The following PARD3B variants were observed in gnomAD, a reference collection of about 807,000 sequenced individuals.
The protein encoded by PARD3B is par-3 family cell polarity regulator beta, also known as partitioning defective 3 homolog B.
A neutral mutation model predicts 130.2 loss-of-function variants in PARD3B; 103 were observed. The ratio of observed to expected loss-of-function variants is 0.79; its 90% CI spans 0.67 to 0.93. The LOEUF is 0.93. PARD3B is among the 40% of genes least tolerant of loss of function. The probability of loss-of-function intolerance (pLI) is 0.00; values close to 1 mark genes in which losing one functional copy is unlikely to be tolerated. For missense variants in PARD3B, 1,609 were observed against 1,499.2 expected, an observed-to-expected ratio of 1.07 and a Z score of -1.21; for synonymous variants, 583 against 553.2, an observed-to-expected ratio of 1.05 and a Z score of -0.76.
Position 205,176,380 on chromosome 2 carries a change from T to C in PARD3B, c.1792-65T>C, listed in dbSNP as rs1031574479. 33 of 1,438,336 alleles carry C rather than the reference T, an allele frequency of 2.3e-5. No individual in the cohort carries two copies. Among genetic ancestry groups the C allele is most frequent in the Non-Finnish European group, 3.0e-5 (32 of 1,061,738 alleles). The allele number at this position is 1,438,336 out of a possible 1,614,324, so 89.1% of individuals were successfully genotyped here. A position where few individuals can be genotyped will look rare whatever the true frequency, so the allele number is the denominator to read the frequency against. On this transcript the variant is annotated intron_variant, in intron 12 of 22. Transcript: ENST00000406610. The surrounding 1 kb of genome is among the most constrained non-coding windows in gnomAD (Gnocchi z 5.3). The stretch of plus-strand genomic sequence containing the variant: ...TCATACAGCGATCATTCTTTCACTT[T>C]GCTTCAACTGACCAAGTTGGAACAT...
chr2:205,158,752 C>CT lies in PARD3B; in HGVS notation c.1466dup (p.Glu490GlyfsTer9), dbSNP rs774009587. ...AGAACCTGACTGCTGTGCACTCTCT[C>CT]TGGAGACAAGCGAGCAGCTCACCTT... is the stretch of plus-strand genomic sequence containing the variant. On this transcript the variant is annotated frameshift_variant, in exon 11 of 23. Coordinates refer to ENST00000406610, the MANE Select transcript of PARD3B (RefSeq NM_001302769.2). LOFTEE classifies it high-confidence loss of function. The surrounding 1 kb of genome is among the most constrained non-coding windows in gnomAD (Gnocchi z 5.4). The CT allele has an allele frequency of 6.2e-7, 1 of 1,614,152 alleles. No individual in the cohort carries two copies. The highest frequency in any genetic ancestry group is 1.1e-5 in the South Asian group (1 of 91,082).
chr2:204,614,018 C>A (rs1165449269), intron 1 of PARD3B, among the ~76,000 whole-genome samples: 1 of 151,928 alleles, frequency 6.6e-6, no homozygotes, highest in Non-Finnish European at 1.5e-5. Context: ...TCTTGTTGGG[C>A]CCCTTAAATG....
rs959202996 is a variant in PARD3B at position 205,230,567 on chromosome 2, C to T, written c.2141-15211C>T. ...CCTCTAGCAGAAGGCAGGAGTCTCTCCTGGAGCCGTGAGCTGCACTGCCTG... is the reference window on the plus strand; with the variant it reads ...CCTCTAGCAGAAGGCAGGAGTCTCTTCTGGAGCCGTGAGCTGCACTGCCTG... On this transcript the variant is annotated intron_variant, in intron 15 of 22. Transcript: ENST00000406610. The surrounding 1 kb of genome is among the most constrained non-coding windows in gnomAD (Gnocchi z 4.1). Among the ~76,000 whole-genome samples the T allele has an allele frequency of 1.3e-5, 2 of 152,164 alleles. No individual in the cohort carries two copies. The highest frequency in any genetic ancestry group is 4.8e-5 in the African/African-American group (2 of 41,436).
At chr2:205,511,599 A>G (rs867575075) in intron 21 of PARD3B, among the ~76,000 whole-genome samples, 2 of 152,198 alleles carry the variant, frequency 1.3e-5, no homozygotes, top group Non-Finnish European at 2.9e-5. Flanking sequence ...AGAAACCCCT[A>G]TGAATTCCAG....
At chr2:204,733,811 G>T (rs2039625889) in intron 2 of PARD3B, among the ~76,000 whole-genome samples, 1 of 151,862 alleles carries the variant, frequency 6.6e-6, no homozygotes, top group South Asian at 2.1e-4. Context: ...TCAGCAAGTG[G>T]TATTACTAAA....
chr2:204,734,103 G>T (rs1303174763), intron 2 of PARD3B, among the ~76,000 whole-genome samples: 1 of 152,018 alleles, frequency 6.6e-6, no homozygotes, highest in African/African-American at 2.4e-5. Context: ...GATTAAAACT[G>T]GGGTCCAATA....
At chr2:204,704,918 C>G (rs1161350787) in intron 2 of PARD3B, among the ~76,000 whole-genome samples, 2 of 150,046 alleles carry the variant, frequency 1.3e-5, no homozygotes, top group East Asian at 1.9e-4. Context: ...CACCAGAGTA[C>G]TAATTGCTGC....
intron 2 of PARD3B, among the ~76,000 whole-genome samples, chr2:204,897,431 C>G (rs1575242902): frequency 8.0e-6 from 1 of 125,076 alleles, no homozygotes. Context: ...GAAAGGTTTA[C>G]TGAAAGGAGA....
At chr2:205,466,117 T>C (rs1559119902) in intron 20 of PARD3B, among the ~76,000 whole-genome samples, 1 of 152,214 alleles carries the variant, frequency 6.6e-6, no homozygotes, top group Non-Finnish European at 1.5e-5. Context: ...TGTGCATTTC[T>C]AATAAGCTCC....
intron 21 of PARD3B, among the ~76,000 whole-genome samples, chr2:205,533,937 A>G (rs1461442911): frequency 2.6e-5 from 4 of 152,120 alleles, no homozygotes; most frequent in African/African-American, 9.6e-5. Flanking sequence ...CTAGGCAGCC[A>G]GCCACCTCTA....
At position 205,589,887 on chromosome 2, in the gene PARD3B, A is replaced by T. The variant is rs2054323240; in HGVS notation, c.3261-25569A>T. ...TCCACTAACATCTTTAGCACAGCTG[A>T]AAGAGGGAGTTCTTCTAGGTCTTTT... On this transcript the variant is annotated intron_variant, in intron 22 of 22. Coordinates refer to ENST00000406610, the MANE Select transcript of PARD3B (RefSeq NM_001302769.2). This position sits in a 1 kb window ranked among gnomAD's most constrained non-coding sequence, Gnocchi z 4.1. Among the ~76,000 whole-genome samples, 1 of 152,134 alleles carries T rather than the reference A, an allele frequency of 6.6e-6. No homozygotes were observed. Among genetic ancestry groups the T allele is most frequent in the African/African-American group, 2.4e-5 (1 of 41,430 alleles).
At chr2:205,581,183 T>C (rs1433409045) in intron 22 of PARD3B, among the ~76,000 whole-genome samples, 2 of 150,818 alleles carry the variant, frequency 1.3e-5, no homozygotes, top group African/African-American at 4.9e-5. Context: ...GGAATCTACC[T>C]AAGTGTCTAT....
intron 21 of PARD3B, among the ~76,000 whole-genome samples, chr2:205,552,522 C>T (rs2052692776): frequency 6.6e-6 from 1 of 152,126 alleles, no homozygotes; most frequent in South Asian, 2.1e-4. Flanking sequence ...GATTCTCCTG[C>T]CTCAGCCTCC....
At position 205,525,508 on chromosome 2, in the gene PARD3B, A is replaced by C. The variant is rs1403717731; in HGVS notation, c.3180+25477A>C. ...GGTTTAATTTTTTCTGTCAACGTGCATTGTTGTAATTATTAAAGATAAAAA... is the reference window on the plus strand; with the variant it reads ...GGTTTAATTTTTTCTGTCAACGTGCCTTGTTGTAATTATTAAAGATAAAAA... On this transcript the variant is annotated intron_variant, in intron 21 of 22. Transcript: ENST00000406610. The surrounding 1 kb of genome is among the most constrained non-coding windows in gnomAD (Gnocchi z 4.2). 6.6e-6 allele frequency among the ~76,000 whole-genome samples: 1 copy of C among 152,200 alleles called. No individual in the cohort carries two copies.
chr2:204,868,167 C>T (rs2045497931), intron 2 of PARD3B, among the ~76,000 whole-genome samples: 1 of 152,126 alleles, frequency 6.6e-6, no homozygotes, highest in Non-Finnish European at 1.5e-5. Flanking sequence ...CATGGCCAGT[C>T]TGGGCTCTAT....
intron 3 of PARD3B, among the ~76,000 whole-genome samples, chr2:205,044,264 A>G (rs1328577068): frequency 3.4e-5 from 5 of 148,104 alleles, no homozygotes; most frequent in African/African-American, 1.2e-4. Context: ...CGCAATAAAC[A>G]TACGTGTGCA....
At chr2:204,711,259 G>C (rs1044111378) in intron 2 of PARD3B, among the ~76,000 whole-genome samples, 4 of 152,102 alleles carry the variant, frequency 2.6e-5, no homozygotes, top group African/African-American at 9.7e-5. Flanking sequence ...CTAGAATACT[G>C]ACACTGCTTG....
intron 2 of PARD3B, among the ~76,000 whole-genome samples, chr2:204,814,428 G>T (rs2043071958): frequency 6.6e-6 from 1 of 151,422 alleles, no homozygotes; most frequent in Admixed American, 6.6e-5. Flanking sequence ...TAAACTGTAG[G>T]ATATATATTA....
intron 18 of PARD3B, among the ~76,000 whole-genome samples, chr2:205,385,009 G>C (rs984619502): frequency 6.6e-6 from 1 of 151,762 alleles, no homozygotes; most frequent in African/African-American, 2.4e-5. Flanking sequence ...CCTCACATTA[G>C]AGCCTGTATA....
Sources: allele counts gnomAD v4.1 joint callset (sites outside exome capture counted in the v4.1 genomes callset), GRCh38; gene constraint gnomAD v4.1.1; non-coding constraint Gnocchi (gnomAD v3.1); transcripts MANE v1.5; gene names NCBI Gene and HGNC (gene_info 2026-07-23, HGNC 2026-07-21).